Variants in HTR1F observed in about 807,000 individuals in gnomAD.
The protein encoded by HTR1F is 5-hydroxytryptamine receptor 1F, also known as 5-hydroxytryptamine (serotonin) receptor 1F, G protein-coupled.
HTR1F carries 17 observed loss-of-function variants against 24.0 expected under a neutral mutation model. The observed-to-expected ratio is 0.71, with a 90% CI of 0.48 to 1.06. The LOEUF (loss-of-function observed/expected upper bound fraction) is 1.06. Ranked by LOEUF, HTR1F falls within the 50% of genes least tolerant of loss-of-function variation. The probability of loss-of-function intolerance (pLI) is 0.00; values close to 1 mark genes in which losing one functional copy is unlikely to be tolerated. For missense variants in HTR1F, 391 were observed against 427.8 expected, an observed-to-expected ratio of 0.91 and a Z score of 0.76; for synonymous variants, 186 against 156.8, an observed-to-expected ratio of 1.19 and a Z score of -1.39.
intron 2 of HTR1F, among the ~76,000 whole-genome samples, chr3:87,938,577 G>A (rs1451334412): frequency 6.6e-6 from 1 of 152,062 alleles, no homozygotes; most frequent in African/African-American, 2.4e-5. Context: ...CATGGTACTG[G>A]TACAAAAACT....
rs573691970 is a variant in HTR1F at position 87,933,955 on chromosome 3, G to A, written c.-42-56753G>A. ...ATCAGCCTATACATGTATTCCATTG[G>A]CATCATTTTCTATATTGCCACCTTA... On this transcript the variant is annotated intron_variant, in intron 2 of 2. Transcript: ENST00000319595. 5.3e-4 allele frequency among the ~76,000 whole-genome samples: 80 copies of A among 152,200 alleles called. 1 individual carries two copies. Among genetic ancestry groups the A allele is most frequent in the African/African-American group, 1.8e-3 (74 of 41,538 alleles).
intron 2 of HTR1F, among the ~76,000 whole-genome samples, chr3:87,924,609 T>G (rs1375883701): frequency 3.9e-5 from 6 of 152,180 alleles, no homozygotes; most frequent in Admixed American, 2.0e-4. Context: ...AGACTATTTC[T>G]CCTTAGTTTC....
At chr3:87,812,366 C>T (rs1704175463) in intron 1 of HTR1F, among the ~76,000 whole-genome samples, 1 of 152,092 alleles carries the variant, frequency 6.6e-6, no homozygotes, top group Non-Finnish European at 1.5e-5. Flanking sequence ...TGAGGAACTT[C>T]TTGGGAAGTG....
intron 2 of HTR1F, among the ~76,000 whole-genome samples, chr3:87,825,809 A>G (rs1704450965): frequency 6.6e-6 from 1 of 152,174 alleles, no homozygotes; most frequent in South Asian, 2.1e-4. Context: ...TGACAGAGGT[A>G]CCACTTGAGA....
intron 2 of HTR1F, among the ~76,000 whole-genome samples, chr3:87,901,688 T>C (rs141926160): frequency 6.6e-6 from 1 of 152,162 alleles, no homozygotes; most frequent in East Asian, 1.9e-4. Context: ...ATATTAACAA[T>C]TTACATATAC....
chr3:87,991,970 T>A lies in HTR1F; in HGVS notation c.*120T>A. ...AAATACATGAAAACTGCTAAATTGA[T>A]AAGGCTATAATTTATATTTTAATAG... On this transcript the variant is annotated 3_prime_UTR_variant, in exon 3 of 3. Transcript: ENST00000319595. 1.3e-6 allele frequency: 1 copy of A among 760,410 alleles called. No homozygotes were observed. Among genetic ancestry groups the A allele is most frequent in the Non-Finnish European group, 2.1e-6 (1 of 483,154 alleles). 47.1% of individuals were successfully genotyped at this position (760,410 alleles called of 1,614,324 possible). A position where few individuals can be genotyped will look rare whatever the true frequency, so the allele number is the denominator to read the frequency against.
chr3:87,887,184 C>T (rs1317784346), intron 2 of HTR1F, among the ~76,000 whole-genome samples: 2 of 152,064 alleles, frequency 1.3e-5, no homozygotes, highest in African/African-American at 2.4e-5. Flanking sequence ...CATCTACAAC[C>T]ATCTGGCCTT....
chr3:87,928,046 GC>G (rs1320520491), intron 2 of HTR1F, among the ~76,000 whole-genome samples: 1 of 131,574 alleles, frequency 7.6e-6, no homozygotes, highest in Non-Finnish European at 1.6e-5. Flanking sequence ...CAATATCTTT[GC>G]TTTTTTTTTT....
chr3:87,914,840 C>T (rs1703857458), intron 2 of HTR1F, among the ~76,000 whole-genome samples: 3 of 152,132 alleles, frequency 2.0e-5, no homozygotes, highest in African/African-American at 7.2e-5. Flanking sequence ...CATACTACCA[C>T]AGCTGATGCT....
At chr3:87,972,063 T>C (rs1702921684) in intron 2 of HTR1F, among the ~76,000 whole-genome samples, 1 of 152,216 alleles carries the variant, frequency 6.6e-6, no homozygotes, top group Admixed American at 6.5e-5. Flanking sequence ...ACAGTGTTTT[T>C]CATTCGTTCA....
chr3:87,878,986 T>A (rs959361196), intron 2 of HTR1F, among the ~76,000 whole-genome samples: 11 of 152,170 alleles, frequency 7.2e-5, no homozygotes, highest in African/African-American at 2.2e-4. Flanking sequence ...TATATGTAAA[T>A]ATAGACAGAA....
intron 1 of HTR1F, among the ~76,000 whole-genome samples, chr3:87,816,288 T>C (rs925778613): frequency 6.6e-6 from 1 of 152,120 alleles, no homozygotes; most frequent in African/African-American, 2.4e-5. Flanking sequence ...TATTTTTAAT[T>C]AGTTTCTATA....
At chr3:87,815,190 T>A (rs1379508534) in intron 1 of HTR1F, among the ~76,000 whole-genome samples, 1 of 152,118 alleles carries the variant, frequency 6.6e-6, no homozygotes, top group East Asian at 1.9e-4. Context: ...CTTTGGGCTA[T>A]AATAAACAGG....
At chr3:87,849,700 A>G (rs1243272557) in intron 2 of HTR1F, among the ~76,000 whole-genome samples, 2 of 151,928 alleles carry the variant, frequency 1.3e-5, no homozygotes, top group Non-Finnish European at 2.9e-5. Context: ...AATTTTTGCA[A>G]TCTACTCATC....
intron 2 of HTR1F, among the ~76,000 whole-genome samples, chr3:87,876,711 T>C (rs1705679692): frequency 6.6e-6 from 1 of 152,202 alleles, no homozygotes; most frequent in African/African-American, 2.4e-5. Context: ...TATTGTTCGG[T>C]GGATATAGAG....
chr3:87,954,744 G>A (rs1559647668), intron 2 of HTR1F, among the ~76,000 whole-genome samples: 1 of 151,582 alleles, frequency 6.6e-6, no homozygotes, highest in Non-Finnish European at 1.5e-5. Context: ...GGAGAATGGG[G>A]CTTAGCAGGT....
At chr3:87,810,475 T>C (rs569861253) in intron 1 of HTR1F, among the ~76,000 whole-genome samples, 1 of 152,278 alleles carries the variant, frequency 6.6e-6, no homozygotes, top group African/African-American at 2.4e-5. Flanking sequence ...TCCCCATACT[T>C]TCTTTTGATG....
At chr3:87,901,898 C>G (rs1013212753) in intron 2 of HTR1F, among the ~76,000 whole-genome samples, 1 of 151,914 alleles carries the variant, frequency 6.6e-6, no homozygotes, top group Non-Finnish European at 1.5e-5. Flanking sequence ...AAGATCAGCA[C>G]GACCTCTACA....
At chr3:87,867,814 G>A (rs1223979492) in intron 2 of HTR1F, among the ~76,000 whole-genome samples, 1 of 152,048 alleles carries the variant, frequency 6.6e-6, no homozygotes, top group East Asian at 1.9e-4. Flanking sequence ...AAAATAGTAG[G>A]GGTCTTGATC....
Sources: gnomAD v4.1 joint callset for allele counts (sites outside exome capture counted in the v4.1 genomes callset) on GRCh38, gnomAD v4.1.1 for gene constraint, MANE v1.5 for transcripts, NCBI Gene and HGNC (gene_info 2026-07-23, HGNC 2026-07-21) for gene names.